Variants in KCTD16 observed in about 807,000 individuals in gnomAD.
The protein encoded by KCTD16 is BTB/POZ domain-containing protein KCTD16.
In KCTD16, 13 loss-of-function variants were observed where a neutral mutation model predicts 33.2. That is an observed-to-expected ratio of 0.39 (90% confidence interval 0.25 to 0.62). The LOEUF (loss-of-function observed/expected upper bound fraction) is 0.62, where lower values mean the gene tolerates loss of function less well. Among genes scored for constraint, KCTD16 ranks in the 20% least tolerant of loss-of-function variants. The probability of loss-of-function intolerance (pLI) is 0.50; values close to 1 mark genes in which losing one functional copy is unlikely to be tolerated. For missense variants in KCTD16, 441 were observed against 525.1 expected, an observed-to-expected ratio of 0.84 and a Z score of 1.57; for synonymous variants, 197 against 195.3, an observed-to-expected ratio of 1.01 and a Z score of -0.07.
At chr5:144,410,315 T>C (rs996419892) in intron 3 of KCTD16, among the ~76,000 whole-genome samples, 2 of 152,224 alleles carry the variant, frequency 1.3e-5, no homozygotes, top group African/African-American at 4.8e-5. Context: ...TGTTAAATTA[T>C]TTATTCTTCA....
rs1233713498 is a variant in KCTD16 at position 144,205,815 on chromosome 5, T to C, written c.-326-574T>C. On this transcript the variant is annotated intron_variant, in intron 2 of 3. Transcript: ENST00000512467. ...ACTTAAGATACGGAATGAACACATATGTACCTACATACATACATAAATACA... is the reference window on the plus strand; with the variant it reads ...ACTTAAGATACGGAATGAACACATACGTACCTACATACATACATAAATACA... The C allele has an allele frequency of 8.0e-6, 3 of 373,288 alleles. No individual in the cohort carries two copies. In the Middle Eastern group the frequency reaches 2.0e-3, roughly 248 times the overall value. The allele number at this position is 373,288 out of a possible 1,614,324, so 23.1% of individuals were successfully genotyped here. A position where few individuals can be genotyped will look rare whatever the true frequency, so the allele number is the denominator to read the frequency against.
chr5:144,361,758 C>T (rs1751718088), intron 3 of KCTD16, among the ~76,000 whole-genome samples: 1 of 152,100 alleles, frequency 6.6e-6, no homozygotes, highest in Admixed American at 6.6e-5. Flanking sequence ...ATACAAAACA[C>T]TTGCCAAATT....
In KCTD16 at chr5:144,476,618, T is replaced by A. The variant is rs1172179671; in HGVS notation, c.*2504T>A. 2.0e-5 allele frequency: 3 copies of A among 152,150 alleles called. No individual in the cohort carries two copies. The highest frequency in any genetic ancestry group is 7.2e-5 in the African/African-American group (3 of 41,434). 9.4% of individuals were successfully genotyped at this position (152,150 alleles called of 1,614,324 possible). A position where few individuals can be genotyped will look rare whatever the true frequency, so the allele number is the denominator to read the frequency against. ...TCCCATGGTAAAATATTCAAGTAAC[T>A]AAGACAACAGCATGGCATTTATTTG... On this transcript the variant is annotated 3_prime_UTR_variant, in exon 4 of 4. Transcript: ENST00000512467.
intron 3 of KCTD16, among the ~76,000 whole-genome samples, chr5:144,208,467 T>C (rs1753260117): frequency 6.6e-6 from 1 of 152,234 alleles, no homozygotes; most frequent in Non-Finnish European, 1.5e-5. Context: ...TAAATCAGCC[T>C]GCACTCTTTG....
At chr5:144,175,525 A>T (rs1752486688) in intron 2 of KCTD16, among the ~76,000 whole-genome samples, 1 of 152,208 alleles carries the variant, frequency 6.6e-6, no homozygotes, top group African/African-American at 2.4e-5. Flanking sequence ...TATTTTCTGT[A>T]ATCTTCTCAT....
chr5:144,261,623 C>T (rs962226977), intron 3 of KCTD16, among the ~76,000 whole-genome samples: 1 of 152,224 alleles, frequency 6.6e-6, no homozygotes, highest in African/African-American at 2.4e-5. Flanking sequence ...TTCAAGGTCA[C>T]CTGAGAAGTC....
chr5:144,249,448 A>C (rs1754637577), intron 3 of KCTD16, among the ~76,000 whole-genome samples: 1 of 152,152 alleles, frequency 6.6e-6, no homozygotes, highest in Non-Finnish European at 1.5e-5. Context: ...AAAGTATCTT[A>C]TCTGACTTGT....
intron 3 of KCTD16, among the ~76,000 whole-genome samples, chr5:144,361,447 G>A (rs982458469): frequency 2.0e-5 from 3 of 152,080 alleles, no homozygotes; most frequent in African/African-American, 7.2e-5. Flanking sequence ...TCCTGGTCCT[G>A]GTTTGAATGA....
chr5:144,183,239 T>C (rs1246759144), intron 2 of KCTD16, among the ~76,000 whole-genome samples: 1 of 152,216 alleles, frequency 6.6e-6, no homozygotes, highest in Non-Finnish European at 1.5e-5. Flanking sequence ...ATTCAATTAC[T>C]AGTGGAGTAT....
rs138519055 is a variant in KCTD16 at position 144,432,081 on chromosome 5, C to T, written c.833-41579C>T. On this transcript the variant is annotated intron_variant, in intron 3 of 3. Coordinates refer to ENST00000512467, the MANE Select transcript of KCTD16 (RefSeq NM_020768.4). ...GGTACTTTCTTCTTTTTCCACTATT[C>T]TAATGCACCTTGCAAACAGATGCTG... is the stretch of plus-strand genomic sequence containing the variant. Among the ~76,000 whole-genome samples the T allele has an allele frequency of 9.2e-5, 14 of 152,216 alleles. No individual in the cohort carries two copies. In the East Asian group the frequency reaches 2.5e-3, roughly 27 times the overall value.
At chr5:144,368,688 G>A (rs925029063) in intron 3 of KCTD16, among the ~76,000 whole-genome samples, 3 of 152,140 alleles carry the variant, frequency 2.0e-5, no homozygotes, top group Non-Finnish European at 2.9e-5. Flanking sequence ...ATGCAAACTA[G>A]GAGCTAATAA....
At chr5:144,288,427 G>A (rs1196725509) in intron 3 of KCTD16, among the ~76,000 whole-genome samples, 4 of 152,138 alleles carry the variant, frequency 2.6e-5, no homozygotes, top group African/African-American at 7.2e-5. Context: ...GGGAGCATTG[G>A]ACAAATGTAG....
At chr5:144,398,180 T>C (rs1276850254) in intron 3 of KCTD16, among the ~76,000 whole-genome samples, 1 of 152,228 alleles carries the variant, frequency 6.6e-6, no homozygotes, top group African/African-American at 2.4e-5. Flanking sequence ...AACCTATTAA[T>C]GATGCCTTGC....
At position 144,195,763 on chromosome 5, in the gene KCTD16, G is replaced by A. The variant is rs143561286; in HGVS notation, c.-326-10626G>A. 7.1e-4 allele frequency among the ~76,000 whole-genome samples: 108 copies of A among 152,288 alleles called. 2 individuals carry two copies. In the East Asian group the frequency reaches 0.015, roughly 22 times the overall value. Reference sequence around the variant, plus strand: ...ATGAGTGCCTCTCTGATTTCATACCGAGTAAATGTATAGTAATGCAAAGTG... The same window carrying A: ...ATGAGTGCCTCTCTGATTTCATACCAAGTAAATGTATAGTAATGCAAAGTG... On this transcript the variant is annotated intron_variant, in intron 2 of 3. Transcript: ENST00000512467.
intron 3 of KCTD16, among the ~76,000 whole-genome samples, chr5:144,265,155 A>T (rs552700970): frequency 2.0e-5 from 3 of 152,234 alleles, no homozygotes; most frequent in East Asian, 1.9e-4. Flanking sequence ...GGAGAAAATT[A>T]TCTACTTATG....
At chr5:144,358,553 C>G (rs1159849690) in intron 3 of KCTD16, among the ~76,000 whole-genome samples, 1 of 152,166 alleles carries the variant, frequency 6.6e-6, no homozygotes, top group African/African-American at 2.4e-5. Flanking sequence ...GCAGAAGGTA[C>G]ACTAAATGTC....
chr5:144,318,271 A>G (rs1751978527), intron 3 of KCTD16, among the ~76,000 whole-genome samples: 1 of 152,172 alleles, frequency 6.6e-6, no homozygotes, highest in Non-Finnish European at 1.5e-5. Context: ...GGAGGAATTT[A>G]TGTATATATT....
intron 3 of KCTD16, among the ~76,000 whole-genome samples, chr5:144,267,554 C>T (rs956753902): frequency 6.6e-6 from 1 of 152,084 alleles, no homozygotes. Flanking sequence ...GGAGTTTATA[C>T]CCCCAAACTG....
chr5:144,364,024 G>A (rs1044622667), intron 3 of KCTD16, among the ~76,000 whole-genome samples: 3 of 152,006 alleles, frequency 2.0e-5, no homozygotes, highest in Non-Finnish European at 4.4e-5. Flanking sequence ...ATAGTTAAAG[G>A]GACTTTTTAA....
Sources: allele counts gnomAD v4.1 joint callset (sites outside exome capture counted in the v4.1 genomes callset), GRCh38; gene constraint gnomAD v4.1.1; transcripts MANE v1.5; gene names NCBI Gene and HGNC (gene_info 2026-07-23, HGNC 2026-07-21).